The following SLC7A8 variants were observed in gnomAD, a reference collection of about 807,000 sequenced individuals.
The protein encoded by SLC7A8 is solute carrier family 7 member 8, also known as large neutral amino acids transporter small subunit 2.
In SLC7A8, 30 loss-of-function variants were observed where a neutral mutation model predicts 51.2. The ratio of observed to expected loss-of-function variants is 0.59; its 90% CI spans 0.44 to 0.80. The LOEUF is 0.80. Among genes scored for constraint, SLC7A8 ranks in the 30% least tolerant of loss-of-function variants. The probability of loss-of-function intolerance (pLI) is 0.00; values close to 1 mark genes in which losing one functional copy is unlikely to be tolerated. For synonymous variants in SLC7A8, 257 were observed against 275.8 expected, an observed-to-expected ratio of 0.93 and a Z score of 0.67; for missense variants, 612 against 674.4, an observed-to-expected ratio of 0.91 and a Z score of 1.03.
intron 3 of SLC7A8, among the ~76,000 whole-genome samples, chr14:23,156,042 A>T (rs1264415172): frequency 1.3e-5 from 2 of 148,872 alleles, no homozygotes; most frequent in Non-Finnish European, 3.0e-5. Flanking sequence ...CTTGTTGCCC[A>T]GGCTGGAGTG....
At chr14:23,127,620 A>C (rs1402470352) in intron 10 of SLC7A8, among the ~76,000 whole-genome samples, 1 of 152,248 alleles carries the variant, frequency 6.6e-6, no homozygotes, top group Non-Finnish European at 1.5e-5. Flanking sequence ...CAGCTCTCAC[A>C]GAATGGCTGA....
intron 3 of SLC7A8, among the ~76,000 whole-genome samples, chr14:23,149,621 GA>G (rs1441475883): frequency 1.3e-5 from 2 of 152,144 alleles, no homozygotes; most frequent in Non-Finnish European, 2.9e-5. Context: ...CATCAGAGGG[GA>G]CAGAGTGGCC....
intron 1 of SLC7A8, among the ~76,000 whole-genome samples, chr14:23,172,468 G>A (rs2048979619): frequency 6.6e-6 from 1 of 152,204 alleles, no homozygotes; most frequent in Non-Finnish European, 1.5e-5. Context: ...TAATGAAACG[G>A]ATGGAGCCAA....
In SLC7A8 at chr14:23,128,465, G is replaced by C. The variant is rs928537382; in HGVS notation, c.1264-269C>G. 1.0e-5 allele frequency: 12 copies of C among 1,153,446 alleles called. No homozygotes were observed. In the East Asian group the frequency reaches 3.9e-4, roughly 38 times the overall value. The allele number at this position is 1,153,446 out of a possible 1,614,324, so 71.5% of individuals were successfully genotyped here. A position where few individuals can be genotyped will look rare whatever the true frequency, so the allele number is the denominator to read the frequency against. Reference sequence around the variant, plus strand: ...CTCCTTGCCCATGTCCTCGCTCTTGGGTGTGGTTAGACAAGGCCTCATCAT... The same window carrying C: ...CTCCTTGCCCATGTCCTCGCTCTTGCGTGTGGTTAGACAAGGCCTCATCAT... On this transcript the variant is annotated intron_variant, in intron 9 of 10. Coordinates refer to ENST00000316902, the MANE Select transcript of SLC7A8 (RefSeq NM_012244.4). The surrounding 1 kb of genome is among the most constrained non-coding windows in gnomAD (Gnocchi z 4.3).
chr14:23,175,489 G>A (rs1162897176), intron 1 of SLC7A8, among the ~76,000 whole-genome samples: 1 of 152,166 alleles, frequency 6.6e-6, no homozygotes, highest in Non-Finnish European at 1.5e-5. Context: ...GATTACAGGC[G>A]TGAGCCACCG....
chr14:23,130,805 A>G lies in SLC7A8; in HGVS notation c.1113+656T>C, dbSNP rs369708600. On this transcript the variant is annotated intron_variant, in intron 8 of 10. Coordinates refer to ENST00000316902, the MANE Select transcript of SLC7A8 (RefSeq NM_012244.4). ...GGACCAAAGTCATTTTTAGTGTTTT[A>G]TTCAGGATCCAGAAGGAAAATAAAA... is the stretch of plus-strand genomic sequence containing the variant. 6.6e-5 allele frequency among the ~76,000 whole-genome samples: 10 copies of G among 152,334 alleles called. No individual in the cohort carries two copies. In the East Asian group the frequency reaches 1.7e-3, roughly 26 times the overall value.
At chr14:23,138,565 C>T (rs1171066600) in intron 6 of SLC7A8, among the ~76,000 whole-genome samples, 2 of 152,136 alleles carry the variant, frequency 1.3e-5, no homozygotes, top group African/African-American at 4.8e-5. Context: ...AATCCAGAAT[C>T]ACAGGGTGAG....
rs12879346 is a variant in SLC7A8 at position 23,183,499 on chromosome 14, T to A, written c.-585A>T. 0.63 allele frequency: 95,997 copies of A among 152,022 alleles called. 31,430 individuals are homozygous for A. Among genetic ancestry groups the A allele is most frequent in the Admixed American group, 0.74 (11,281 of 15,282 alleles). 9.4% of individuals were successfully genotyped at this position (152,022 alleles called of 1,614,324 possible). A position where few individuals can be genotyped will look rare whatever the true frequency, so the allele number is the denominator to read the frequency against. ...GCTCTAGATCTGGTTTCCACCTGCT[T>A]TGGGTTTCTTTTCCCTTCCCCGTCT... On this transcript the variant is annotated 5_prime_UTR_variant, in exon 1 of 11. Coordinates refer to ENST00000316902, the MANE Select transcript of SLC7A8 (RefSeq NM_012244.4).
rs545038166 is a variant in SLC7A8 at position 23,128,797 on chromosome 14, C to T, written c.1264-601G>A. On this transcript the variant is annotated intron_variant, in intron 9 of 10. Coordinates refer to ENST00000316902, the MANE Select transcript of SLC7A8 (RefSeq NM_012244.4). The surrounding 1 kb of genome is among the most constrained non-coding windows in gnomAD (Gnocchi z 4.3). Reference sequence around the variant, plus strand: ...CTGCCTTTCTCTTCCTTGTCTTCCTCGCTCAGAAGGGATGTGTGTGGTGGG... The same window carrying T: ...CTGCCTTTCTCTTCCTTGTCTTCCTTGCTCAGAAGGGATGTGTGTGGTGGG... Among the ~76,000 whole-genome samples the T allele has an allele frequency of 2.6e-5, 4 of 152,322 alleles. No individual in the cohort carries two copies. The highest frequency in any genetic ancestry group is 2.1e-4 in the South Asian group (1 of 4,832).
rs2048723504 is a variant in SLC7A8 at position 23,139,564 on chromosome 14, G to A, written c.789-17C>T. ...GGAAGGTTCCTGTAGAGGGAGAGGA[G>A]GTGAGGGGAAGGGCTGGCACCCGGG... On this transcript the variant is annotated splice_polypyrimidine_tract_variant and intron_variant, in intron 5 of 10. Transcript: ENST00000316902. 8 of 1,609,678 alleles carry A rather than the reference G, an allele frequency of 5.0e-6. No individual in the cohort carries two copies. The East Asian group carries it at 1.1e-4, about 22-fold the overall frequency.
rs923821892 is a variant in SLC7A8 at position 23,153,738 on chromosome 14, C to T, written c.509-10534G>A. ...CAGTCACATGTTCCCTCCAAACTCC[C>T]GGAACTCCATTTGGATTTCTCGGTC... On this transcript the variant is annotated intron_variant, in intron 3 of 10. Transcript: ENST00000316902. 4.6e-5 allele frequency among the ~76,000 whole-genome samples: 7 copies of T among 152,104 alleles called. No individual in the cohort carries two copies. In the South Asian group the frequency reaches 6.2e-4, roughly 14 times the overall value.
rs1459145344 is a variant in SLC7A8, at chr14:23,138,019, A to G, written c.918T>C (p.Phe306=). ...CCATGACTCCTAGGAGCTTCTCTCC[A>G]AAAGTCTGGGAGAGGAACCAAGGAG... ...LLASNAVAVT[F]GEKLLGVMAW... Residue 306 remains phenylalanine (F), a synonymous_variant, in exon 7 of 11, where the codon TTT becomes TTC. Coordinates refer to ENST00000316902, the MANE Select transcript of SLC7A8 (RefSeq NM_012244.4). The G allele has an allele frequency of 5.0e-6, 8 of 1,613,950 alleles. No individual in the cohort carries two copies. Among genetic ancestry groups the G allele is most frequent in the Non-Finnish European group, 6.8e-6 (8 of 1,179,974 alleles).
At chr14:23,149,987 A>G (rs2048832171) in intron 3 of SLC7A8, among the ~76,000 whole-genome samples, 1 of 152,166 alleles carries the variant, frequency 6.6e-6, no homozygotes, top group Admixed American at 6.6e-5. Flanking sequence ...ATGTCAGTAC[A>G]CTCTATGATG....
intron 3 of SLC7A8, among the ~76,000 whole-genome samples, chr14:23,147,439 C>G (rs1414502086): frequency 2.0e-5 from 3 of 152,214 alleles, no homozygotes; most frequent in Non-Finnish European, 2.9e-5. Context: ...TAGTGGGCAT[C>G]TATGAGGAAC....
chr14:23,171,066 A>G (rs2048973270), intron 1 of SLC7A8, among the ~76,000 whole-genome samples: 1 of 152,124 alleles, frequency 6.6e-6, no homozygotes, highest in Admixed American at 6.5e-5. Flanking sequence ...AAGAAAGTTG[A>G]TTACTGTGGG....
intron 4 of SLC7A8, among the ~76,000 whole-genome samples, chr14:23,140,835 CA>C (rs1476232869): frequency 1.3e-5 from 2 of 152,128 alleles, no homozygotes; most frequent in African/African-American, 2.4e-5. Flanking sequence ...ACTACGAGTC[CA>C]AATGAGGGTT....
intron 1 of SLC7A8, among the ~76,000 whole-genome samples, chr14:23,181,070 C>G (rs558909776): frequency 6.6e-5 from 10 of 152,132 alleles, no homozygotes; most frequent in African/African-American, 2.2e-4. Flanking sequence ...GAAGGGCGAG[C>G]CAGGCTGAGG....
chr14:23,162,050 A>AT (rs1378672875), intron 3 of SLC7A8, among the ~76,000 whole-genome samples: 2 of 151,880 alleles, frequency 1.3e-5, no homozygotes, highest in Non-Finnish European at 2.9e-5. Context: ...CAAAAAAAGA[A>AT]GAGAGGATTT....
intron 1 of SLC7A8, among the ~76,000 whole-genome samples, chr14:23,178,885 C>CAAAAAA (rs386380884): frequency 7.6e-5 from 6 of 78,746 alleles, no homozygotes; most frequent in Admixed American, 1.5e-4. Context: ...ATCTTGTCTC[C>CAAAAAA]AAAAAAAAAA....
Sources: allele counts gnomAD v4.1 joint callset (sites outside exome capture counted in the v4.1 genomes callset), GRCh38; gene constraint gnomAD v4.1.1; non-coding constraint Gnocchi (gnomAD v3.1); transcripts MANE v1.5; gene names NCBI Gene and HGNC (gene_info 2026-07-23, HGNC 2026-07-21).